The following CCDC178 variants were observed in gnomAD, a reference collection of about 807,000 sequenced individuals.
CCDC178 encodes the protein coiled-coil domain containing 178, also known as coiled-coil domain-containing protein 178.
In CCDC178, 126 loss-of-function variants were observed where a neutral mutation model predicts 117.4. The ratio of observed to expected loss-of-function variants is 1.07; its 90% confidence interval spans 0.93 to 1.24. The LOEUF (loss-of-function observed/expected upper bound fraction) is 1.24. CCDC178 is among the 50% of genes most tolerant of loss of function. The pLI is 0.00. For synonymous variants in CCDC178, 283 were observed against 313.4 expected, an observed-to-expected ratio of 0.90 and a Z score of 1.02; for missense variants, 1,030 against 986.9, an observed-to-expected ratio of 1.04 and a Z score of -0.59.
intron 6 of CCDC178, among the ~76,000 whole-genome samples, chr18:33,359,516 G>A (rs918127275): frequency 1.3e-5 from 2 of 151,552 alleles, no homozygotes; most frequent in African/African-American, 2.4e-5. Flanking sequence ...AGAAACATTT[G>A]AAGTCTTATA....
At chr18:33,418,972 T>C (rs2063986531) in intron 2 of CCDC178, among the ~76,000 whole-genome samples, 1 of 152,112 alleles carries the variant, frequency 6.6e-6, no homozygotes, top group Non-Finnish European at 1.5e-5. Context: ...CTTCACAGAA[T>C]TAGAAAACAA....
At chr18:33,385,262 T>C (rs1021548033) in intron 5 of CCDC178, among the ~76,000 whole-genome samples, 1 of 152,092 alleles carries the variant, frequency 6.6e-6, no homozygotes, top group Non-Finnish European at 1.5e-5. Flanking sequence ...CACACAATAA[T>C]AGAGGGAGAC....
At chr18:33,185,574 G>A (rs769828704) in intron 20 of CCDC178, among the ~76,000 whole-genome samples, 3 of 151,826 alleles carry the variant, frequency 2.0e-5, no homozygotes, top group African/African-American at 2.4e-5. Flanking sequence ...TAAAAAGAAC[G>A]TTACAAAATA....
At position 33,273,697 on chromosome 18, in the gene CCDC178, A is replaced by G. The variant is rs1274211327; in HGVS notation, c.1177-6400T>C. ...AAATGAATTTGAACTTCTACTTCAT[A>G]CCATACACAAAAATTAACTAAACTT... On this transcript the variant is annotated intron_variant, in intron 12 of 22. Transcript: ENST00000383096. Among the ~76,000 whole-genome samples the G allele has an allele frequency of 4.2e-4, 63 of 151,664 alleles. 1 individual carries two copies. The highest frequency in any genetic ancestry group is 4.1e-3 in the Admixed American group (63 of 15,196).
At chr18:32,965,798 C>A (rs2054799604) in intron 22 of CCDC178, among the ~76,000 whole-genome samples, 1 of 151,130 alleles carries the variant, frequency 6.6e-6, no homozygotes, top group Non-Finnish European at 1.5e-5. Flanking sequence ...TGACGGAAAA[C>A]AAATTATTTT....
chr18:33,018,265 C>A (rs796611806), intron 21 of CCDC178, among the ~76,000 whole-genome samples: 22 of 152,120 alleles, frequency 1.4e-4, no homozygotes, highest in African/African-American at 5.1e-4. Flanking sequence ...AAAAACCAAT[C>A]AACCAAACAA....
intron 11 of CCDC178, among the ~76,000 whole-genome samples, chr18:33,302,189 GC>G (rs1016208768): frequency 2.1e-4 from 32 of 152,146 alleles, no homozygotes; most frequent in African/African-American, 7.5e-4. Flanking sequence ...CTCCCACTTT[GC>G]CTTCCACTAT....
At chr18:33,152,098 C>G (rs1396069826) in intron 20 of CCDC178, among the ~76,000 whole-genome samples, 1 of 151,942 alleles carries the variant, frequency 6.6e-6, no homozygotes, top group Non-Finnish European at 1.5e-5. Context: ...ATGGGAAGAT[C>G]TTAAAGTTTT....
At chr18:33,239,696 C>A (rs993709466) in intron 15 of CCDC178, among the ~76,000 whole-genome samples, 10 of 151,454 alleles carry the variant, frequency 6.6e-5, no homozygotes, top group African/African-American at 2.4e-4. Context: ...AATGCCAGAG[C>A]ACCCAGATAT....
chr18:33,159,994 T>A (rs1044448726), intron 20 of CCDC178, among the ~76,000 whole-genome samples: 16 of 152,140 alleles, frequency 1.1e-4, no homozygotes, highest in African/African-American at 3.6e-4. Flanking sequence ...TTACAAAAAC[T>A]GCCTTTAATT....
chr18:33,197,433 CA>C (rs2058943729), intron 20 of CCDC178, among the ~76,000 whole-genome samples: 1 of 151,922 alleles, frequency 6.6e-6, no homozygotes, highest in Admixed American at 6.6e-5. Context: ...TGAGGGCTTT[CA>C]GGATATTTGT....
chr18:33,272,084 T>G (rs1047289339), intron 12 of CCDC178, among the ~76,000 whole-genome samples: 18 of 151,394 alleles, frequency 1.2e-4, no homozygotes, highest in Admixed American at 1.1e-3. Flanking sequence ...ATATGAATTC[T>G]AATACATGCA....
In CCDC178 at chr18:33,231,397, C is replaced by G. The variant is rs147705870; in HGVS notation, c.1594-4542G>C. 1.4e-3 allele frequency among the ~76,000 whole-genome samples: 214 copies of G among 152,192 alleles called. 1 individual carries two copies. Among genetic ancestry groups the G allele is most frequent in the African/African-American group, 4.4e-3 (183 of 41,508 alleles). ...ATTAAAAGAGACTCAAAAGTTATAA[C>G]AGATAAATACAATGCATGGGGCTCA... On this transcript the variant is annotated intron_variant, in intron 15 of 22. Coordinates refer to ENST00000383096, the MANE Select transcript of CCDC178 (RefSeq NM_001105528.4).
intron 15 of CCDC178, among the ~76,000 whole-genome samples, chr18:33,229,257 G>C (rs1029980710): frequency 6.6e-6 from 1 of 152,132 alleles, no homozygotes; most frequent in Non-Finnish European, 1.5e-5. Flanking sequence ...GTTGGACTAA[G>C]GTAGCAAGGC....
chr18:33,378,144 C>T (rs1393199043), intron 5 of CCDC178, among the ~76,000 whole-genome samples: 2 of 152,080 alleles, frequency 1.3e-5, no homozygotes, highest in Non-Finnish European at 2.9e-5. Context: ...GTAGTTCTCC[C>T]TGTAGAGAGC....
chr18:33,037,397 C>CTCTGTCATTGATAAGCTCTAACTTA (rs1177402687), intron 21 of CCDC178, among the ~76,000 whole-genome samples: 1 of 151,912 alleles, frequency 6.6e-6, no homozygotes, highest in African/African-American at 2.4e-5. Context: ...CATTTGTAAA[C>CTCTGTCATTGATAAGCTCTAACTTA]TCTGTCATTG....
At chr18:33,068,461 A>G (rs1421345382) in intron 21 of CCDC178, among the ~76,000 whole-genome samples, 1 of 152,182 alleles carries the variant, frequency 6.6e-6, no homozygotes, top group Non-Finnish European at 1.5e-5. Flanking sequence ...CATCAAAAAG[A>G]TAATATACCG....
chr18:33,130,309 T>C lies in CCDC178; in HGVS notation c.2239-37399A>G, dbSNP rs902427472. ...GTATTTTCATTTTCTTAGAATACTA[T>C]TAAAATGTAGATTTTCAGATTTTTC... On this transcript the variant is annotated intron_variant, in intron 20 of 22. Coordinates refer to ENST00000383096, the MANE Select transcript of CCDC178 (RefSeq NM_001105528.4). 3.9e-5 allele frequency among the ~76,000 whole-genome samples: 6 copies of C among 152,194 alleles called. No homozygotes were observed. The East Asian group carries it at 5.8e-4, about 15-fold the overall frequency.
intron 22 of CCDC178, among the ~76,000 whole-genome samples, chr18:32,964,916 C>G (rs1251488971): frequency 6.6e-6 from 1 of 151,928 alleles, no homozygotes; most frequent in African/African-American, 2.4e-5. Context: ...GCCCCCCTCT[C>G]TATTTTGTTT....
Sources: allele counts gnomAD v4.1 joint callset (sites outside exome capture counted in the v4.1 genomes callset), GRCh38; gene constraint gnomAD v4.1.1; transcripts MANE v1.5; gene names NCBI Gene and HGNC (gene_info 2026-07-23, HGNC 2026-07-21).